Variants in SND1 observed in about 807,000 individuals in gnomAD.
SND1 encodes the protein staphylococcal nuclease and tudor domain containing 1.
A neutral mutation model predicts 121.7 loss-of-function variants in SND1; 38 were observed. That is an observed-to-expected ratio of 0.31 (90% CI 0.24 to 0.41). The LOEUF (loss-of-function observed/expected upper bound fraction) is 0.41, where lower values mean the gene tolerates loss of function less well. SND1 is among the 10% of genes least tolerant of loss of function. SND1 has a pLI of 1.00. For synonymous variants in SND1, 401 were observed against 447.4 expected (o/e 0.90, Z 1.31); for missense variants, 868 against 1,184.6 (o/e 0.73, Z 3.92).
At chr7:127,672,261 C>T (rs1045547500) in intron 1 of SND1, among the ~76,000 whole-genome samples, 10 of 151,956 alleles carry the variant, frequency 6.6e-5, no homozygotes, top group East Asian at 1.9e-4. Context: ...GTCTTAAAAC[C>T]GGGGATATCC....
At chr7:127,746,296 A>G (rs543794810) in intron 10 of SND1, among the ~76,000 whole-genome samples, 2 of 152,254 alleles carry the variant, frequency 1.3e-5, no homozygotes, top group African/African-American at 4.8e-5. Context: ...TCATTATCTT[A>G]TAGCAACAGG....
chr7:127,871,439 G>C (rs1447185353), intron 12 of SND1, among the ~76,000 whole-genome samples: 2 of 152,118 alleles, frequency 1.3e-5, no homozygotes, highest in Non-Finnish European at 1.5e-5. Context: ...TGTGCTGCAG[G>C]CTATGACTAC....
chr7:128,024,012 A>G (rs959699191), intron 16 of SND1, among the ~76,000 whole-genome samples: 1 of 151,862 alleles, frequency 6.6e-6, no homozygotes, highest in African/African-American at 2.4e-5. Context: ...CTAGGATTCA[A>G]CACAGGAAGA....
intron 7 of SND1, 144 bp downstream of exon 7, chr7:127,703,467 AC>A (rs1796138807): frequency 5.1e-6 from 5 of 973,764 alleles, no homozygotes; most frequent in Non-Finnish European, 7.4e-6. Flanking sequence ...TAATCCCACC[AC>A]TTTGGGAGGC....
chr7:127,861,839 C>T (rs1009974787), intron 12 of SND1, among the ~76,000 whole-genome samples: 13 of 152,110 alleles, frequency 8.5e-5, no homozygotes, highest in Non-Finnish European at 1.8e-4. Flanking sequence ...GTCTGGAGGC[C>T]GTGATTTTCA....
At chr7:127,940,861 G>T (rs888727180) in intron 15 of SND1, among the ~76,000 whole-genome samples, 1 of 152,212 alleles carries the variant, frequency 6.6e-6, no homozygotes, top group African/African-American at 2.4e-5. Context: ...TGGGCAGCAT[G>T]TGCAAGCTTG....
At chr7:127,730,894 A>G (rs1796662731) in intron 10 of SND1, among the ~76,000 whole-genome samples, 1 of 152,222 alleles carries the variant, frequency 6.6e-6, no homozygotes, top group Non-Finnish European at 1.5e-5. Flanking sequence ...TTCCTAGGAC[A>G]TGTTCCTCAT....
At chr7:127,812,656 C>T (rs948388482) in intron 11 of SND1, among the ~76,000 whole-genome samples, 11 of 152,114 alleles carry the variant, frequency 7.2e-5, no homozygotes, top group African/African-American at 2.2e-4. Context: ...AATAGATCTC[C>T]GAAGGTACCG....
intron 16 of SND1, among the ~76,000 whole-genome samples, chr7:128,061,303 A>G (rs1793227317): frequency 6.6e-6 from 1 of 152,168 alleles, no homozygotes; most frequent in South Asian, 2.1e-4. Context: ...CATCACTAAT[A>G]TTTCTCCGTA....
chr7:127,853,479 T>C (rs1584618967), intron 12 of SND1, among the ~76,000 whole-genome samples: 1 of 152,142 alleles, frequency 6.6e-6, no homozygotes, highest in East Asian at 1.9e-4. Context: ...GCTGCAACAG[T>C]AATTGGAAGA....
At chr7:127,666,905 A>G (rs941513620) in intron 1 of SND1, among the ~76,000 whole-genome samples, 2 of 152,152 alleles carry the variant, frequency 1.3e-5, no homozygotes, top group South Asian at 2.1e-4. Flanking sequence ...TTGAGTTTTT[A>G]TTCCTTTATG....
intron 14 of SND1, among the ~76,000 whole-genome samples, chr7:127,913,999 T>C (rs982035022): frequency 6.6e-6 from 1 of 152,226 alleles, no homozygotes; most frequent in African/African-American, 2.4e-5. Context: ...ATTTTGAAAT[T>C]AGAGCTCAGG....
At chr7:127,928,941 T>C (rs1800906116) in intron 14 of SND1, among the ~76,000 whole-genome samples, 1 of 152,234 alleles carries the variant, frequency 6.6e-6, no homozygotes, top group South Asian at 2.1e-4. Context: ...CAGAGAACTC[T>C]GGTGTGAAAG....
chr7:127,910,237 C>A (rs536597561), intron 14 of SND1, among the ~76,000 whole-genome samples: 1 of 152,268 alleles, frequency 6.6e-6, no homozygotes, highest in East Asian at 1.9e-4. Context: ...GTCAGGAGTT[C>A]AAGACCAGCC....
intron 15 of SND1, among the ~76,000 whole-genome samples, chr7:127,947,496 C>T (rs954870310): frequency 4.6e-5 from 7 of 152,124 alleles, no homozygotes; most frequent in African/African-American, 1.4e-4. Flanking sequence ...TCAGTGTTTT[C>T]GTGGTGAACT....
chr7:127,699,201 C>CA (rs1204112983), intron 4 of SND1, among the ~76,000 whole-genome samples: 1 of 152,174 alleles, frequency 6.6e-6, no homozygotes, highest in Non-Finnish European at 1.5e-5. Flanking sequence ...TAAGAGTCAA[C>CA]AAGTCTTAGA....
chr7:127,712,028 C>G lies in SND1; in HGVS notation c.1038+4381C>G, dbSNP rs574004836. 6.6e-5 allele frequency among the ~76,000 whole-genome samples: 10 copies of G among 151,596 alleles called. No individual in the cohort carries two copies. In the East Asian group the frequency reaches 1.9e-3, roughly 29 times the overall value. On this transcript the variant is annotated intron_variant, in intron 9 of 23. Transcript: ENST00000354725. Reference sequence around the variant, plus strand: ...TCTCCCCTTCTTGGGTTATTTTGGTCCCTTATTTTTCATATTAGAGGCTTT... The same window carrying G: ...TCTCCCCTTCTTGGGTTATTTTGGTGCCTTATTTTTCATATTAGAGGCTTT...
chr7:127,742,098 C>G (rs1267746524), intron 10 of SND1, among the ~76,000 whole-genome samples: 2 of 152,116 alleles, frequency 1.3e-5, no homozygotes, highest in African/African-American at 4.8e-5. Flanking sequence ...AAGAGATCTA[C>G]TTGATGGGCA....
intron 12 of SND1, among the ~76,000 whole-genome samples, chr7:127,859,268 C>G (rs1210378755): frequency 6.6e-6 from 1 of 152,120 alleles, no homozygotes; most frequent in Non-Finnish European, 1.5e-5. Context: ...CCTTCCCCAC[C>G]CCTACTTAAT....
Sources: gnomAD v4.1 joint callset for allele counts (sites outside exome capture counted in the v4.1 genomes callset) on GRCh38, gnomAD v4.1.1 for gene constraint, MANE v1.5 for transcripts, NCBI Gene and HGNC (gene_info 2026-07-23, HGNC 2026-07-21) for gene names.